The following EHMT2 variants were observed in gnomAD, a reference collection of about 807,000 sequenced individuals.
EHMT2 encodes the protein histone-lysine N-methyltransferase EHMT2.
Under a neutral mutation model 143.3 loss-of-function variants are expected in EHMT2, and 59 were observed. The observed-to-expected ratio is 0.41, with a 90% CI of 0.33 to 0.51. The LOEUF (loss-of-function observed/expected upper bound fraction) is 0.51, where lower values mean the gene tolerates loss of function less well. Among genes scored for constraint, EHMT2 ranks in the 20% least tolerant of loss-of-function variants. The pLI, the probability that EHMT2 is intolerant of heterozygous loss-of-function variation, is 0.18. For synonymous variants in EHMT2, 604 were observed against 651.5 expected (o/e 0.93, Z 1.11); for missense variants, 1,174 against 1,645.9 (o/e 0.71, Z 4.96).
Position 31,888,549 on chromosome 6 carries a change from G to A in EHMT2, c.1366-43C>T, listed in dbSNP as rs1765220053. ...GGGTGAGAAGAGAGCGTGAGGCTGG[G>A]GCCGGGGACTGGACGCCCTGGCACC... On this transcript the variant is annotated intron_variant, in intron 11 of 27. Coordinates refer to ENST00000375537, the Ensembl canonical transcript of EHMT2. The surrounding 1 kb of genome is among the most constrained non-coding windows in gnomAD (Gnocchi z 7.4). The A allele has an allele frequency of 1.2e-6, 2 of 1,609,512 alleles. No individual in the cohort carries two copies. Among genetic ancestry groups the A allele is most frequent in the African/African-American group, 1.3e-5 (1 of 74,862 alleles).
intron 18 of EHMT2, 146 bp from the exon 19 acceptor site, chr6:31,885,162 C>T (rs1764664904): frequency 1.6e-5 from 18 of 1,135,924 alleles, no homozygotes; most frequent in Non-Finnish European, 2.0e-5. Context: ...GTCTCTGGGT[C>T]GCAGTTTCTT....
At position 31,881,153 on chromosome 6, in the gene EHMT2, G is replaced by C; in HGVS notation, c.3198-61C>G. ...GTGGGCTATTAGGAGGTGGCTCCAGGCCCCATCTCTCTTCACAAGCCTGTG... is the reference window on the plus strand; with the variant it reads ...GTGGGCTATTAGGAGGTGGCTCCAGCCCCCATCTCTCTTCACAAGCCTGTG... On this transcript the variant is annotated intron_variant, in intron 25 of 27. Coordinates refer to ENST00000375537, the Ensembl canonical transcript of EHMT2. This position sits in a 1 kb window ranked among gnomAD's most constrained non-coding sequence, Gnocchi z 4.8. 2 of 1,418,062 alleles carry C rather than the reference G, an allele frequency of 1.4e-6. No homozygotes were observed. Among genetic ancestry groups the C allele is most frequent in the Non-Finnish European group, 2.0e-6 (2 of 1,004,870 alleles). 87.8% of individuals were successfully genotyped at this position (1,418,062 alleles called of 1,614,324 possible). A position where few individuals can be genotyped will look rare whatever the true frequency, so the allele number is the denominator to read the frequency against.
intron 1 of EHMT2, 46 bp downstream of exon 1, chr6:31,897,590 G>C (rs1766738630): frequency 1.8e-6 from 2 of 1,110,242 alleles, no homozygotes; most frequent in African/African-American, 1.7e-5. Context: ...CTTCCCCCGG[G>C]CGCGCGCGCG....
Position 31,884,724 on chromosome 6 carries a change from A to G in EHMT2, c.2524T>C (p.Cys842Arg). ...TGGTAGTTGACAGCATGGAGGTCAC[A>G]GCGCGCATTCAGAAGGACTTCGGCG... The change falls in exon 20 of 28, where the codon TGT becomes CGT. Residue 842 changes from cysteine (C) to arginine (R), a missense_variant. Cys to Arg is a radical substitution (Grantham distance 180, BLOSUM62 -3). This residue lies in a region of EHMT2 where 608 missense variants were observed against 903.7 expected (regional missense o/e 0.67). Transcript: ENST00000375537. This position sits in a 1 kb window ranked among gnomAD's most constrained non-coding sequence, Gnocchi z 7.3. 1 of 1,598,072 alleles carries G rather than the reference A, an allele frequency of 6.3e-7. No homozygotes were observed. Among genetic ancestry groups the G allele is most frequent in the Non-Finnish European group, 8.5e-7 (1 of 1,171,908 alleles).
chr6:31,892,941 C>G, intron 4 of EHMT2, 31 bp from the exon 5 acceptor site: 1 of 1,483,402 alleles, frequency 6.7e-7, no homozygotes, highest in Non-Finnish European at 9.1e-7. Context: ...CACTGAGGGT[C>G]AGAGAGCACC....
chr6:31,889,042 G>A lies in EHMT2; in HGVS notation c.1143C>T (p.Pro381=), dbSNP rs1477143443. The change falls in exon 10 of 28, where the codon CCC becomes CCT. Residue 381 remains proline, a synonymous_variant. Transcript: ENST00000375537. The surrounding 1 kb of genome is among the most constrained non-coding windows in gnomAD (Gnocchi z 5.1). ...CCAGAGGGACCTCCATGTACTCACT[G>A]GGGCCTGAGGAGCCCACACCATTCA... is the stretch of plus-strand genomic sequence containing the variant. 6.2e-7 allele frequency: 1 copy of A among 1,604,336 alleles called. No individual in the cohort carries two copies. Among genetic ancestry groups the A allele is most frequent in the Non-Finnish European group, 8.5e-7 (1 of 1,176,798 alleles).
Position 31,880,443 on chromosome 6 carries a change from T to G in EHMT2, c.3453-179A>C, listed in dbSNP as rs589428. On this transcript the variant is annotated intron_variant, in intron 27 of 27. Coordinates refer to ENST00000375537, the Ensembl canonical transcript of EHMT2. This position sits in a 1 kb window ranked among gnomAD's most constrained non-coding sequence, Gnocchi z 6.6. ...CAGCATCAGCATTGCCTGGGGACTTTTTAGAAATGCAGAATCCTGGGCCCC... is the reference window on the plus strand; with the variant it reads ...CAGCATCAGCATTGCCTGGGGACTTGTTAGAAATGCAGAATCCTGGGCCCC... 0.71 allele frequency: 611,580 copies of G among 855,578 alleles called. 223,934 individuals are homozygous for G. Among genetic ancestry groups the G allele is most frequent in the Middle Eastern group, 0.9 (2,491 of 2,768 alleles). 53.0% of individuals were successfully genotyped at this position (855,578 alleles called of 1,614,324 possible). A position where few individuals can be genotyped will look rare whatever the true frequency, so the allele number is the denominator to read the frequency against.
chr6:31,881,850 T>C lies in EHMT2; in HGVS notation c.3198-758A>G, dbSNP rs149777573. Among the ~76,000 whole-genome samples the C allele has an allele frequency of 3.8e-3, 582 of 152,290 alleles. 5 individuals are homozygous for C. The highest frequency in any genetic ancestry group is 0.013 in the African/African-American group (551 of 41,556). On this transcript the variant is annotated intron_variant, in intron 25 of 27. Transcript: ENST00000375537. This position sits in a 1 kb window ranked among gnomAD's most constrained non-coding sequence, Gnocchi z 4.8. ...CAGGCACGGTGGCTCACGCCTGTAATCCCAGCACTTTGGGAGGCCGAGGTG... is the reference window on the plus strand; with the variant it reads ...CAGGCACGGTGGCTCACGCCTGTAACCCCAGCACTTTGGGAGGCCGAGGTG...
Position 31,883,282 on chromosome 6 carries a change from T to TC in EHMT2, c.2994+79dup. ...ACAGGGTAGGAGGTGAGGGACATGG[T>TC]CCCAGGGAGCTGGTTTATTGGAGGC... is the stretch of plus-strand genomic sequence containing the variant. On this transcript the variant is annotated intron_variant, in intron 23 of 27. Coordinates refer to ENST00000375537, the Ensembl canonical transcript of EHMT2. The surrounding 1 kb of genome is among the most constrained non-coding windows in gnomAD (Gnocchi z 5.6). 1 of 1,422,992 alleles carries TC rather than the reference T, an allele frequency of 7.0e-7. No individual in the cohort carries two copies. Among genetic ancestry groups the TC allele is most frequent in the Non-Finnish European group, 9.8e-7 (1 of 1,018,626 alleles). 88.1% of individuals were successfully genotyped at this position (1,422,992 alleles called of 1,614,324 possible).
At chr6:31,887,873 G>C (rs1765092499) in exon 14 of EHMT2, 1 of 1,611,774 alleles carries the variant, frequency 6.2e-7, no homozygotes, top group African/African-American at 1.3e-5. Flanking sequence ...CCATTGGGCA[G>C]GGTCAGGGAG....
chr6:31,880,181 G>A lies in EHMT2; in HGVS notation c.3536C>T (p.Ala1179Val). ...GCTCTGCTCCAGGGCAATGGCTTCG[G>A]CTGAGTGCTTGCACTTCTCAGAGCC... Residue 1179 changes from alanine to valine, a missense_variant, in exon 28 of 28, where the codon GCC becomes GTC. By Grantham distance (64) the Ala-to-Val change is moderately conservative (BLOSUM62 0). Coordinates refer to ENST00000375537, the Ensembl canonical transcript of EHMT2. The surrounding 1 kb of genome is among the most constrained non-coding windows in gnomAD (Gnocchi z 6.6). 5 of 1,613,038 alleles carry A rather than the reference G, an allele frequency of 3.1e-6. 1 individual carries two copies. Among genetic ancestry groups the A allele is most frequent in the South Asian group, 2.2e-5 (2 of 91,090 alleles).
exon 2 of EHMT2, chr6:31,896,937 C>G (rs760796179): frequency 1.0e-5 from 16 of 1,593,196 alleles, no homozygotes; most frequent in Non-Finnish European, 1.4e-5. Context: ...CTCGGTGGCT[C>G]CTCTGGTTTC....
intron 7 of EHMT2, among the ~76,000 whole-genome samples, chr6:31,891,934 C>T (rs1010045268): frequency 6.6e-6 from 1 of 151,840 alleles, no homozygotes; most frequent in African/African-American, 2.4e-5. Context: ...ATGAAACGGG[C>T]AGAATACACA....
Position 31,884,257 on chromosome 6 carries a change from G to A in EHMT2, c.2771+135C>T, listed in dbSNP as rs1038849957. ...TATCTGGCAACCCTAGTGGGGAGGG[G>A]GCCTGTGGGTGGTTCTGGGGATTCA... On this transcript the variant is annotated intron_variant, in intron 21 of 27. Coordinates refer to ENST00000375537, the Ensembl canonical transcript of EHMT2. This position sits in a 1 kb window ranked among gnomAD's most constrained non-coding sequence, Gnocchi z 7.3. 5.8e-6 allele frequency: 6 copies of A among 1,041,768 alleles called. No homozygotes were observed. In the African/African-American group the frequency reaches 9.6e-5, roughly 17 times the overall value. 64.5% of individuals were successfully genotyped at this position (1,041,768 alleles called of 1,614,324 possible). A position where few individuals can be genotyped will look rare whatever the true frequency, so the allele number is the denominator to read the frequency against.
rs1198468057 is a variant in EHMT2, at chr6:31,880,252, G to A, written c.3465C>T (p.Gly1155=). The change falls in exon 28 of 28, where the codon GGC becomes GGT. Residue 1155 remains glycine, a synonymous_variant. Coordinates refer to ENST00000375537, the Ensembl canonical transcript of EHMT2. The surrounding 1 kb of genome is among the most constrained non-coding windows in gnomAD (Gnocchi z 6.6). ...TGCTTTTGATGTCCCAGAAGCGGTC[G>A]CCATAGTCAAACCTGTCAGAGGAAA... 2.5e-6 allele frequency: 4 copies of A among 1,611,412 alleles called. No individual in the cohort carries two copies. The highest frequency in any genetic ancestry group is 1.3e-5 in the African/African-American group (1 of 74,994).
rs1764328198 is a variant in EHMT2 at position 31,883,129 on chromosome 6, G to A, written c.2995-120C>T. 2.1e-6 allele frequency: 2 copies of A among 943,864 alleles called. No homozygotes were observed. Among genetic ancestry groups the A allele is most frequent in the Non-Finnish European group, 3.3e-6 (2 of 604,542 alleles). 58.5% of individuals were successfully genotyped at this position (943,864 alleles called of 1,614,324 possible). A position where few individuals can be genotyped will look rare whatever the true frequency, so the allele number is the denominator to read the frequency against. On this transcript the variant is annotated intron_variant, in intron 23 of 27. Transcript: ENST00000375537. The surrounding 1 kb of genome is among the most constrained non-coding windows in gnomAD (Gnocchi z 5.6). Reference sequence around the variant, plus strand: ...GGGTTGGGGAGGTCACACAGGCTCTGAGATCCGAGAGCACGAAATGCAGGA... The same window carrying A: ...GGGTTGGGGAGGTCACACAGGCTCTAAGATCCGAGAGCACGAAATGCAGGA...
At chr6:31,892,343 A>G in intron 7 of EHMT2, 64 bp downstream of exon 7, 1 of 1,562,096 alleles carries the variant, frequency 6.4e-7, no homozygotes, top group Non-Finnish European at 8.7e-7. Flanking sequence ...AACAAGGAGG[A>G]CTGGACAGTG....
chr6:31,879,836 TC>T (rs1447392955), exon 28 of EHMT2: 3 of 532,468 alleles, frequency 5.6e-6, no homozygotes, highest in Non-Finnish European at 1.0e-5. Flanking sequence ...TCATCAAACT[TC>T]AACTGAGGAT....
rs1457104564 is a variant in EHMT2 at position 31,897,213 on chromosome 6, G to A, written c.43-224C>T. 4.8e-6 allele frequency: 6 copies of A among 1,240,040 alleles called. No homozygotes were observed. In the East Asian group the frequency reaches 9.5e-5, roughly 20 times the overall value. The allele number at this position is 1,240,040 out of a possible 1,614,324, so 76.8% of individuals were successfully genotyped here. A position where few individuals can be genotyped will look rare whatever the true frequency, so the allele number is the denominator to read the frequency against. On this transcript the variant is annotated intron_variant, in intron 1 of 27. Coordinates refer to ENST00000375537, the Ensembl canonical transcript of EHMT2. ...CGGTAGACCCCGCATCTCTGGGGCCGAGAGAAGAGGAGGGGGAGGGGGCGG... is the reference window on the plus strand; with the variant it reads ...CGGTAGACCCCGCATCTCTGGGGCCAAGAGAAGAGGAGGGGGAGGGGGCGG...
Sources: allele counts gnomAD v4.1 joint callset (sites outside exome capture counted in the v4.1 genomes callset), GRCh38; gene constraint gnomAD v4.1.1; regional missense constraint gnomAD v4.1.1; non-coding constraint Gnocchi (gnomAD v3.1); transcripts MANE v1.5; gene names NCBI Gene and HGNC (gene_info 2026-07-23, HGNC 2026-07-21).